Variants in ZCCHC17 observed in about 807,000 individuals in gnomAD.
The protein encoded by ZCCHC17 is zinc finger CCHC-type containing 17, also known as zinc finger CCHC domain-containing protein 17.
Under a neutral mutation model 30.6 loss-of-function variants are expected in ZCCHC17, and 18 were observed. The observed-to-expected ratio is 0.59, with a 90% confidence interval of 0.41 to 0.87. ZCCHC17 has a LOEUF of 0.87. Among genes scored for constraint, ZCCHC17 ranks in the 40% least tolerant of loss-of-function variants. The pLI is 0.00. For synonymous variants in ZCCHC17, 88 were observed against 92.4 expected (o/e 0.95, Z 0.27); for missense variants, 263 against 284.2 (o/e 0.93, Z 0.54).
At chr1:31,322,981 A>G (rs1646895013) in intron 3 of ZCCHC17, among the ~76,000 whole-genome samples, 1 of 152,108 alleles carries the variant, frequency 6.6e-6, no homozygotes, top group Non-Finnish European at 1.5e-5. Flanking sequence ...TGGCCTCCCA[A>G]AGTGCTGGGA....
chr1:31,331,595 A>T (rs1236906633), intron 3 of ZCCHC17, among the ~76,000 whole-genome samples: 1 of 151,752 alleles, frequency 6.6e-6, no homozygotes, highest in Admixed American at 6.6e-5. Context: ...GAATCTAATG[A>T]TAGGAACTGT....
At position 31,319,161 on chromosome 1, in the gene ZCCHC17, A is replaced by G. The variant is rs1222442635; in HGVS notation, c.119A>G (p.Lys40Arg). 1 of 1,610,928 alleles carries G rather than the reference A, an allele frequency of 6.2e-7. No individual in the cohort carries two copies. The highest frequency in any genetic ancestry group is 2.2e-5 in the East Asian group (1 of 44,862). ...GAFIKIPGCRKQGLVHRTHMS... is the reference protein window; with the variant it reads ...GAFIKIPGCRRQGLVHRTHMS... ...TTTATCAAAATCCCAGGCTGTCGGA[A>G]GCAAGGTAGGAGTTTATAACTTGAA... Residue 40 changes from lysine to arginine, a missense_variant, in exon 3 of 8, where the codon AAG becomes AGG. By Grantham distance (26) the Lys-to-Arg change is conservative. Transcript: ENST00000344147.
intron 2 of ZCCHC17, among the ~76,000 whole-genome samples, chr1:31,317,704 G>A (rs1449730873): frequency 6.6e-6 from 1 of 152,008 alleles, no homozygotes; most frequent in Admixed American, 6.6e-5. Flanking sequence ...CTGGCCTCAG[G>A]CCACGCTCCA....
intron 2 of ZCCHC17, chr1:31,318,017 A>G (rs754419443): frequency 2.2e-5 from 12 of 546,162 alleles, no homozygotes; most frequent in Admixed American, 4.0e-5. Context: ...TTTGTCATCT[A>G]TTGGATGGGA....
chr1:31,318,875 C>T (rs1646795247), intron 2 of ZCCHC17, among the ~76,000 whole-genome samples: 1 of 152,190 alleles, frequency 6.6e-6, no homozygotes, highest in Admixed American at 6.6e-5. Context: ...AGTATCATCA[C>T]ACCGTGTGAT....
At chr1:31,363,070 G>T (rs1046338407) in intron 7 of ZCCHC17, among the ~76,000 whole-genome samples, 1 of 151,746 alleles carries the variant, frequency 6.6e-6, no homozygotes, top group Non-Finnish European at 1.5e-5. Flanking sequence ...TATGTTATAC[G>T]CACTGGAACC....
At chr1:31,329,059 T>C (rs12062090) in intron 3 of ZCCHC17, among the ~76,000 whole-genome samples, 11,134 of 152,170 alleles carry the variant, frequency 0.073, 755 homozygotes, top group South Asian at 0.21. Context: ...GACTAGTCCA[T>C]CCTGAGGCTA....
intron 7 of ZCCHC17, among the ~76,000 whole-genome samples, chr1:31,361,325 T>A (rs1160234984): frequency 6.6e-6 from 1 of 152,218 alleles, no homozygotes; most frequent in Non-Finnish European, 1.5e-5. Context: ...CAGAACATCC[T>A]GGGAGTTAAT....
chr1:31,316,574 T>G (rs1646738274), intron 2 of ZCCHC17, among the ~76,000 whole-genome samples: 1 of 152,224 alleles, frequency 6.6e-6, no homozygotes, highest in African/African-American at 2.4e-5. Context: ...GAGACTTATC[T>G]TTATTATGTG....
chr1:31,314,789 C>G (rs977920457), intron 2 of ZCCHC17, among the ~76,000 whole-genome samples: 2 of 152,090 alleles, frequency 1.3e-5, no homozygotes, highest in African/African-American at 4.8e-5. Context: ...GCCTCAACCT[C>G]CTGAATAGCT....
intron 3 of ZCCHC17, among the ~76,000 whole-genome samples, chr1:31,331,589 C>G (rs558760419): frequency 1.7e-4 from 26 of 151,796 alleles, no homozygotes; most frequent in Non-Finnish European, 3.2e-4. Flanking sequence ...AGAAATGAAT[C>G]TAATGATAGG....
intron 5 of ZCCHC17, among the ~76,000 whole-genome samples, chr1:31,342,604 C>T (rs529664097): frequency 6.6e-6 from 1 of 152,246 alleles, no homozygotes; most frequent in East Asian, 1.9e-4. Flanking sequence ...ATAGGGTTTG[C>T]ACTCCTATGA....
At chr1:31,346,825 T>G in intron 6 of ZCCHC17, 85 bp downstream of exon 6, 1 of 1,581,342 alleles carries the variant, frequency 6.3e-7, no homozygotes, top group Non-Finnish European at 8.6e-7. Flanking sequence ...CAGTGTGAGT[T>G]TAGTTTACCC....
chr1:31,313,334 A>G (rs149633444), intron 2 of ZCCHC17, among the ~76,000 whole-genome samples: 1 of 152,284 alleles, frequency 6.6e-6, no homozygotes, highest in East Asian at 1.9e-4. Context: ...TCAGCCTCCC[A>G]AAGTGCTGGG....
intron 1 of ZCCHC17, among the ~76,000 whole-genome samples, chr1:31,302,410 C>T (rs902523728): frequency 6.6e-6 from 1 of 152,050 alleles, no homozygotes; most frequent in Non-Finnish European, 1.5e-5. Flanking sequence ...TTGTAGTATA[C>T]CAGACCCCAG....
chr1:31,316,622 A>T (rs929695243), intron 2 of ZCCHC17, among the ~76,000 whole-genome samples: 1 of 152,214 alleles, frequency 6.6e-6, no homozygotes, highest in Non-Finnish European at 1.5e-5. Context: ...TTGTAAACTC[A>T]GGTAAGCACT....
At chr1:31,333,144 C>T (rs529218233) in intron 3 of ZCCHC17, 6 of 152,222 alleles carry the variant, frequency 3.9e-5, no homozygotes, top group African/African-American at 1.2e-4. Context: ...TCACTGCTAA[C>T]GCTTCTAGAC....
At chr1:31,331,153 T>C (rs1019739017) in intron 3 of ZCCHC17, among the ~76,000 whole-genome samples, 25 of 152,252 alleles carry the variant, frequency 1.6e-4, no homozygotes, top group Middle Eastern at 3.4e-3. Context: ...TTTTTTTTTT[T>C]TCTCTTGAGA....
At chr1:31,334,337 C>CTCTG (rs1284223463) in intron 3 of ZCCHC17, among the ~76,000 whole-genome samples, 57 of 85,612 alleles carry the variant, frequency 6.7e-4, no homozygotes, top group African/African-American at 2.6e-3. Context: ...CTCTCTCTCT[C>CTCTG]TGTGTGTGTG....
Sources: allele counts gnomAD v4.1 joint callset (sites outside exome capture counted in the v4.1 genomes callset), GRCh38; gene constraint gnomAD v4.1.1; transcripts MANE v1.5; gene names NCBI Gene and HGNC (gene_info 2026-07-23, HGNC 2026-07-21).